Variants in PLEKHG4B observed in about 807,000 individuals in gnomAD.
PLEKHG4B encodes the protein pleckstrin homology and RhoGEF domain containing G4B.
In PLEKHG4B, 111 loss-of-function variants were observed where a neutral mutation model predicts 121.3. The ratio of observed to expected loss-of-function variants is 0.92; its 90% CI spans 0.78 to 1.07. The LOEUF (loss-of-function observed/expected upper bound fraction) is 1.07. Among genes scored for constraint, PLEKHG4B ranks in the 50% least tolerant of loss-of-function variants. PLEKHG4B has a pLI of 0.00. For missense variants in PLEKHG4B, 1,831 were observed against 1,757.8 expected (o/e 1.04, Z -0.74); for synonymous variants, 738 against 725.0 (o/e 1.02, Z -0.29).
Position 157,037 on chromosome 5 carries a change from AT to A in PLEKHG4B, c.2487+127del. On this transcript the variant is annotated intron_variant, in intron 11 of 19. Transcript: ENST00000637938. The surrounding 1 kb of genome is among the most constrained non-coding windows in gnomAD (Gnocchi z 4.6). ...TCTGATTTCCATTTGGAATGAAATT[AT>A]GTCAGGATAGGGCATGCCTTGCTGC... is the stretch of plus-strand genomic sequence containing the variant. The A allele has an allele frequency of 1.5e-6, 2 of 1,310,688 alleles. No homozygotes were observed. The highest frequency in any genetic ancestry group is 2.2e-6 in the Non-Finnish European group (2 of 928,780). 81.2% of individuals were successfully genotyped at this position (1,310,688 alleles called of 1,614,324 possible). A position where few individuals can be genotyped will look rare whatever the true frequency, so the allele number is the denominator to read the frequency against.
At chr5:144,767 C>T in intron 5 of PLEKHG4B, 60 bp from the exon 6 acceptor site, 2 of 1,462,422 alleles carry the variant, frequency 1.4e-6, no homozygotes, top group Non-Finnish European at 1.9e-6. Flanking sequence ...GGTGGAGAAA[C>T]TCGTTCTTGT....
At position 182,448 on chromosome 5, in the gene PLEKHG4B, C is replaced by A; in HGVS notation, c.*125C>A. ...GGCTGGAACGATCCAGAGGGAATAGCACAGCAGGTGTCCAGGTATTTCCCA... is the reference window on the plus strand; with the variant it reads ...GGCTGGAACGATCCAGAGGGAATAGAACAGCAGGTGTCCAGGTATTTCCCA... On this transcript the variant is annotated 3_prime_UTR_variant, in exon 20 of 20. Transcript: ENST00000637938. The A allele has an allele frequency of 1.1e-6, 1 of 873,974 alleles. No homozygotes were observed. The allele number at this position is 873,974 out of a possible 1,614,324, so 54.1% of individuals were successfully genotyped here. A position where few individuals can be genotyped will look rare whatever the true frequency, so the allele number is the denominator to read the frequency against.
In PLEKHG4B at chr5:155,394, A is replaced by G; in HGVS notation, c.2159A>G (p.Gln720Arg). The change falls in exon 9 of 20, where the codon CAG (glutamine) becomes CGG (arginine). Residue 720 changes from glutamine (Q) to arginine (R), a missense_variant. Physicochemically the swap from Gln to Arg is conservative, Grantham distance 43. Transcript: ENST00000637938. The stretch of plus-strand genomic sequence containing the variant: ...TGTGAAGAAGCCATCATTTTCCTAC[A>G]GAATTCATTCTGCTCCCTGAACACC... ...ANCEEAIIFL[Q>R]NSFCSLNTHR... 3 of 1,614,242 alleles carry G rather than the reference A, an allele frequency of 1.9e-6. No homozygotes were observed. Among genetic ancestry groups the G allele is most frequent in the Non-Finnish European group, 2.5e-6 (3 of 1,180,046 alleles).
At position 163,430 on chromosome 5, in the gene PLEKHG4B, GAGA is replaced by G; in HGVS notation, c.3364_3366del (p.Lys1122del). The G allele has an allele frequency of 1.2e-6, 2 of 1,613,032 alleles. No individual in the cohort carries two copies. Among genetic ancestry groups the G allele is most frequent in the Non-Finnish European group, 1.7e-6 (2 of 1,180,044 alleles). On this transcript the variant is annotated inframe_deletion, in exon 13 of 20. Coordinates refer to ENST00000637938, the MANE Select transcript of PLEKHG4B (RefSeq NM_052909.5). ...GGAGGTAACCAGCACTGTAGCCACA[GAGA>G]AGAAGCTCCCGCTGTGGCAGCATGC...
At position 162,172 on chromosome 5, in the gene PLEKHG4B, C is replaced by G. The variant is rs546721689; in HGVS notation, c.2649+228C>G. ...CAAACAGACCAGCCAAACGAACACA[C>G]ACATTTCTCTGTGTGTTTACTGGCT... is the stretch of plus-strand genomic sequence containing the variant. On this transcript the variant is annotated intron_variant, in intron 12 of 19. Coordinates refer to ENST00000637938, the MANE Select transcript of PLEKHG4B (RefSeq NM_052909.5). 5.3e-5 allele frequency among the ~76,000 whole-genome samples: 8 copies of G among 152,362 alleles called. No homozygotes were observed. In the South Asian group the frequency reaches 1.4e-3, roughly 28 times the overall value.
rs147340896 is a variant in PLEKHG4B, at chr5:161,671, T to C, written c.2488-112T>C. On this transcript the variant is annotated intron_variant, in intron 11 of 19. Coordinates refer to ENST00000637938, the MANE Select transcript of PLEKHG4B (RefSeq NM_052909.5). ...AATGAGAGGCAGCAGCAGGCAGCAC[T>C]GTGGGCCGTCCGAGCCTTGGTGCCA... 683 of 1,403,406 alleles carry C rather than the reference T, an allele frequency of 4.9e-4. 2 individuals carry two copies. In the African/African-American group the frequency reaches 8.9e-3, roughly 18 times the overall value. The allele number at this position is 1,403,406 out of a possible 1,614,324, so 86.9% of individuals were successfully genotyped here.
rs547156855 is a variant in PLEKHG4B, at chr5:144,909, T to C, written c.1894T>C (p.Ser632Pro). ...PAAPAVSQAL[S>P]GLQNNTSPII... is the part of the protein sequence containing the mutation. Reference sequence around the variant, plus strand: ...TGCCCCTGCCGTCTCCCAGGCCCTCTCAGGATTGCAGGTACGGCAAGGTTG... The same window carrying C: ...TGCCCCTGCCGTCTCCCAGGCCCTCCCAGGATTGCAGGTACGGCAAGGTTG... The change falls in exon 6 of 20, where the codon TCA becomes CCA. Residue 632 changes from serine (S) to proline (P), a missense_variant. Transcript: ENST00000637938. 1 of 1,613,128 alleles carries C rather than the reference T, an allele frequency of 6.2e-7. No homozygotes were observed. The highest frequency in any genetic ancestry group is 2.2e-5 in the East Asian group (1 of 44,870).
Position 163,415 on chromosome 5 carries a change from A to G in PLEKHG4B, c.3343A>G (p.Ser1115Gly), listed in dbSNP as rs1261925838. The change falls in exon 13 of 20, where the codon AGC (serine) becomes GGC (glycine). Residue 1115 changes from serine (S) to glycine (G), a missense_variant. Physicochemically the swap from Ser to Gly is moderately conservative, Grantham distance 56 (BLOSUM62 0). Transcript: ENST00000637938. Reference protein sequence around the residue: ...SVFSKGLEVTSTVATEKKLPL... With the variant: ...SVFSKGLEVTGTVATEKKLPL... ...CTTCAGCAAGGGCCTGGAGGTAACC[A>G]GCACTGTAGCCACAGAGAAGAAGCT... 4.3e-6 allele frequency: 7 copies of G among 1,612,910 alleles called. No homozygotes were observed. In the East Asian group the frequency reaches 6.7e-5, roughly 15 times the overall value.
chr5:182,157 G>C lies in PLEKHG4B; in HGVS notation c.4718G>C (p.Ser1573Thr). Residue 1573 changes from serine to threonine, a missense_variant, in exon 20 of 20, where the codon AGC becomes ACC. Ser to Thr is a moderately conservative substitution (Grantham distance 58). Coordinates refer to ENST00000637938, the MANE Select transcript of PLEKHG4B (RefSeq NM_052909.5). ...TCGCTGGGCCTGCTTGTGTCCTCCA[G>C]CCCAGCCCACCCGGGCCTATGGAGC... ...LGSLGLLVSS[S>T]PAHPGLWSPA... is the part of the protein sequence containing the mutation. 1 of 1,613,980 alleles carries C rather than the reference G, an allele frequency of 6.2e-7. No homozygotes were observed. The highest frequency in any genetic ancestry group is 1.7e-5 in the Admixed American group (1 of 60,030).
At chr5:101,034 T>C (rs377135584) in intron 1 of PLEKHG4B, among the ~76,000 whole-genome samples, 102 of 54,484 alleles carry the variant, frequency 1.9e-3, no homozygotes, top group African/African-American at 5.5e-3. Flanking sequence ...CTGGAAAAAG[T>C]CTGTAGGGGA....
chr5:143,400 A>C lies in PLEKHG4B; in HGVS notation c.1708A>C (p.Arg570=). 6.2e-7 allele frequency: 1 copy of C among 1,612,774 alleles called. No individual in the cohort carries two copies. Among genetic ancestry groups the C allele is most frequent in the Non-Finnish European group, 8.5e-7 (1 of 1,179,962 alleles). The change falls in exon 5 of 20, where the codon AGA becomes CGA. Residue 570 remains arginine (R), a synonymous_variant. Transcript: ENST00000637938. The stretch of plus-strand genomic sequence containing the variant: ...CGCAGGGACCCGAGACCGTCATGGC[A>C]GAGCAGTGGTGCAGGTCCGCACCAG... The part of the protein sequence containing the change: ...TLPGTRDRHG[R]AVVQVRTRSL...
At chr5:153,880 G>A (rs1735680194) in intron 7 of PLEKHG4B, among the ~76,000 whole-genome samples, 1 of 152,096 alleles carries the variant, frequency 6.6e-6, no homozygotes, top group Non-Finnish European at 1.5e-5. Context: ...TGTACAGATG[G>A]GGGTTTTGTC....
chr5:150,620 T>C lies in PLEKHG4B; in HGVS notation c.1906-893T>C, dbSNP rs192830359. On this transcript the variant is annotated intron_variant, in intron 6 of 19. Transcript: ENST00000637938. Reference sequence around the variant, plus strand: ...AACCCAATAAAATATGGGAAAGGATTTGAGTACTCTTCACTGAAGATGATA... The same window carrying C: ...AACCCAATAAAATATGGGAAAGGATCTGAGTACTCTTCACTGAAGATGATA... Among the ~76,000 whole-genome samples the C allele has an allele frequency of 2.4e-3, 371 of 152,288 alleles. 1 individual carries two copies. Among genetic ancestry groups the C allele is most frequent in the Middle Eastern group, 3.4e-3 (1 of 294 alleles).
rs780049324 is a variant in PLEKHG4B at position 173,877 on chromosome 5, A to G, written c.4222-41A>G. On this transcript the variant is annotated intron_variant, in intron 17 of 19. Coordinates refer to ENST00000637938, the MANE Select transcript of PLEKHG4B (RefSeq NM_052909.5). ...TTGGGTAGCCAGTTGTTCAGAGACC[A>G]TGTTCCTGATGGTGCTGCAATGGGT... The G allele has an allele frequency of 3.1e-6, 5 of 1,596,578 alleles. No individual in the cohort carries two copies. In the Admixed American group the frequency reaches 5.1e-5, roughly 16 times the overall value.
At chr5:151,671 C>A in intron 7 of PLEKHG4B, 72 bp downstream of exon 7, 1 of 995,738 alleles carries the variant, frequency 1.0e-6, no homozygotes, top group Non-Finnish European at 1.5e-6. Flanking sequence ...TGAGATGAAA[C>A]ACATGAAGGA....
At chr5:112,958 A>G (rs1734200306) in intron 1 of PLEKHG4B, among the ~76,000 whole-genome samples, 1 of 152,124 alleles carries the variant, frequency 6.6e-6, no homozygotes, top group Non-Finnish European at 1.5e-5. Context: ...TGTTATAGGA[A>G]TGGCAGCCCA....
rs938263160 is a variant in PLEKHG4B, at chr5:186,008, A to C, written c.*3685A>C. On this transcript the variant is annotated 3_prime_UTR_variant, in exon 20 of 20. Transcript: ENST00000637938. ...CTTGGTCTGGGCAGATGCAAAGGCC[A>C]CCCTGCAGGGCTGAGGTGTCTGTGG... The C allele has an allele frequency of 6.6e-6, 1 of 152,152 alleles. No homozygotes were observed. The highest frequency in any genetic ancestry group is 2.4e-5 in the African/African-American group (1 of 41,424). The allele number at this position is 152,152 out of a possible 1,614,324, so 9.4% of individuals were successfully genotyped here. A position where few individuals can be genotyped will look rare whatever the true frequency, so the allele number is the denominator to read the frequency against.
intron 16 of PLEKHG4B, among the ~76,000 whole-genome samples, chr5:172,515 A>T (rs7731326): frequency 0.66 from 100,915 of 152,080 alleles, 34,134 homozygotes; most frequent in Non-Finnish European, 0.72. Context: ...GGCTTTGAAG[A>T]AGAAAGTTCC....
At chr5:103,016 C>T (rs958750345) in intron 1 of PLEKHG4B, among the ~76,000 whole-genome samples, 2 of 152,178 alleles carry the variant, frequency 1.3e-5, no homozygotes, top group Non-Finnish European at 2.9e-5. Flanking sequence ...AGGAAGTTTG[C>T]ACCCCTCCAT....
Sources: gnomAD v4.1 joint callset for allele counts (sites outside exome capture counted in the v4.1 genomes callset) on GRCh38, gnomAD v4.1.1 for gene constraint, Gnocchi (gnomAD v3.1) non-coding constraint, MANE v1.5 for transcripts, NCBI Gene and HGNC (gene_info 2026-07-23, HGNC 2026-07-21) for gene names.